NKAIN3: variants seen among roughly 807,000 people sequenced by gnomAD.
NKAIN3 encodes sodium/potassium-transporting ATPase subunit beta-1-interacting protein 3.
Under a neutral mutation model 30.2 loss-of-function variants are expected in NKAIN3, and 25 were observed. That is an observed-to-expected ratio of 0.83 (90% CI 0.60 to 1.16). The LOEUF is 1.16. Among genes scored for constraint, NKAIN3 ranks in the 50% most tolerant of loss-of-function variants. The pLI is 0.00. For missense variants in NKAIN3, 225 were observed against 254.1 expected (o/e 0.89, Z 0.78); for synonymous variants, 91 against 89.6 (o/e 1.02, Z -0.09).
rs1585638614 is a variant in NKAIN3 at position 62,976,655 on chromosome 8, T to C, written c.*11248T>C. The stretch of plus-strand genomic sequence containing the variant: ...TTATCCAATTTGCCAGTCTGTGCCT[T>C]TTAATTGGGGCATTTAGCCCATTTA... On this transcript the variant is annotated 3_prime_UTR_variant, in exon 7 of 7. Coordinates refer to ENST00000623646, the MANE Select transcript of NKAIN3 (RefSeq NM_001304533.3). Among the ~76,000 whole-genome samples, 2 of 152,246 alleles carry C rather than the reference T, an allele frequency of 1.3e-5. No homozygotes were observed. Among genetic ancestry groups the C allele is most frequent in the East Asian group, 3.8e-4 (2 of 5,202 alleles).
At chr8:62,437,802 T>C (rs1378944389) in intron 1 of NKAIN3, among the ~76,000 whole-genome samples, 1 of 152,146 alleles carries the variant, frequency 6.6e-6, no homozygotes, top group East Asian at 1.9e-4. Flanking sequence ...CACAGTTAAT[T>C]AGATTGAAAT....
intron 1 of NKAIN3, among the ~76,000 whole-genome samples, chr8:62,508,082 C>A (rs10429370): frequency 0.072 from 10,970 of 152,224 alleles, 492 homozygotes; most frequent in African/African-American, 0.13. Context: ...GGAAATAATT[C>A]TTTATATGTC....
At chr8:62,534,891 T>C (rs1165092398) in intron 1 of NKAIN3, among the ~76,000 whole-genome samples, 1 of 151,840 alleles carries the variant, frequency 6.6e-6, no homozygotes, top group Non-Finnish European at 1.5e-5. Flanking sequence ...GTTTCTGATT[T>C]TCTGAAAGCT....
At chr8:62,341,692 A>C (rs1815752207) in intron 1 of NKAIN3, among the ~76,000 whole-genome samples, 1 of 151,988 alleles carries the variant, frequency 6.6e-6, no homozygotes. Flanking sequence ...ACAGGAAAAA[A>C]ATTCTTTTGC....
chr8:62,835,466 AT>A (rs1283430222), intron 4 of NKAIN3, among the ~76,000 whole-genome samples: 1 of 152,076 alleles, frequency 6.6e-6, no homozygotes, highest in Non-Finnish European at 1.5e-5. Context: ...AACTTCTTCA[AT>A]TCAACAAGCA....
intron 3 of NKAIN3, among the ~76,000 whole-genome samples, chr8:62,675,116 C>A (rs540179000): frequency 2.2e-4 from 34 of 152,146 alleles, no homozygotes; most frequent in Admixed American, 1.6e-3. Flanking sequence ...TGACCCTCTG[C>A]GAAATGAGGT....
intron 4 of NKAIN3, among the ~76,000 whole-genome samples, chr8:62,874,496 G>A (rs1820736064): frequency 6.6e-6 from 1 of 152,234 alleles, no homozygotes; most frequent in South Asian, 2.1e-4. Flanking sequence ...TACCAAAACA[G>A]GGAAGAGACG....
Position 62,636,292 on chromosome 8 carries a change from G to A in NKAIN3, c.273+46498G>A, listed in dbSNP as rs374890455. 1.1e-4 allele frequency among the ~76,000 whole-genome samples: 16 copies of A among 152,050 alleles called. 1 individual carries two copies. The East Asian group carries it at 2.3e-3, about 22-fold the overall frequency. On this transcript the variant is annotated intron_variant, in intron 3 of 6. Coordinates refer to ENST00000623646, the MANE Select transcript of NKAIN3 (RefSeq NM_001304533.3). ...CTCATGATGAACTATTAAATGAAGG[G>A]ACATACTCATTTTTTGAGTTTCCAA...
At chr8:62,656,724 G>A (rs1003578159) in intron 3 of NKAIN3, among the ~76,000 whole-genome samples, 2 of 152,022 alleles carry the variant, frequency 1.3e-5, no homozygotes, top group African/African-American at 2.4e-5. Flanking sequence ...CACTCCCCTG[G>A]TCCCCAAACA....
intron 1 of NKAIN3, among the ~76,000 whole-genome samples, chr8:62,542,821 T>A (rs1808887617): frequency 6.6e-6 from 1 of 152,210 alleles, no homozygotes; most frequent in African/African-American, 2.4e-5. Context: ...ATTGCCCTTG[T>A]TCTGGCTTTG....
At chr8:62,714,542 C>G (rs888612043) in intron 3 of NKAIN3, among the ~76,000 whole-genome samples, 3 of 152,062 alleles carry the variant, frequency 2.0e-5, no homozygotes, top group Non-Finnish European at 4.4e-5. Context: ...TAGCCCTATA[C>G]ATTATTGTTC....
rs190988851 is a variant in NKAIN3, at chr8:62,408,292, C to T, written c.54+159165C>T. ...ACTTTCAAAATATATTTTTAAAGGC[C>T]GTGAAAATTTATACATCCATCTAGG... On this transcript the variant is annotated intron_variant, in intron 1 of 6. Coordinates refer to ENST00000623646, the MANE Select transcript of NKAIN3 (RefSeq NM_001304533.3). 2.4e-3 allele frequency among the ~76,000 whole-genome samples: 370 copies of T among 151,990 alleles called. 2 individuals carry two copies. The highest frequency in any genetic ancestry group is 8.3e-3 in the African/African-American group (345 of 41,442).
At chr8:62,947,114 C>A (rs1823146100) in intron 5 of NKAIN3, among the ~76,000 whole-genome samples, 1 of 152,146 alleles carries the variant, frequency 6.6e-6, no homozygotes, top group African/African-American at 2.4e-5. Flanking sequence ...GAAATAAAGT[C>A]ATTTAATGGA....
At chr8:62,663,824 G>A (rs573149092) in intron 3 of NKAIN3, among the ~76,000 whole-genome samples, 15 of 152,266 alleles carry the variant, frequency 9.9e-5, no homozygotes, top group African/African-American at 3.6e-4. Context: ...ACCATGTAAA[G>A]CAACAGTGCG....
In NKAIN3 at chr8:62,983,615, A is replaced by C. The variant is rs1824135586; in HGVS notation, c.*18208A>C. On this transcript the variant is annotated 3_prime_UTR_variant, in exon 7 of 7. Coordinates refer to ENST00000623646, the MANE Select transcript of NKAIN3 (RefSeq NM_001304533.3). ...TCCTTGAATTTGCCCTCTGCAACCA[A>C]CACCTGTTCGTGCTATGAGACTGAA... is the stretch of plus-strand genomic sequence containing the variant. 1 of 152,184 alleles carries C rather than the reference A, an allele frequency of 6.6e-6. No individual in the cohort carries two copies. Among genetic ancestry groups the C allele is most frequent in the South Asian group, 2.1e-4 (1 of 4,830 alleles). The allele number at this position is 152,184 out of a possible 1,614,324, so 9.4% of individuals were successfully genotyped here. A position where few individuals can be genotyped will look rare whatever the true frequency, so the allele number is the denominator to read the frequency against.
Position 62,345,490 on chromosome 8 carries a change from T to C in NKAIN3, c.54+96363T>C, listed in dbSNP as rs1276768312. 1.1e-3 allele frequency among the ~76,000 whole-genome samples: 18 copies of C among 16,898 alleles called. No individual in the cohort carries two copies. The East Asian group carries it at 0.011, about 10-fold the overall frequency. 11.1% of individuals were successfully genotyped at this position (16,898 alleles called of 152,430 possible). On this transcript the variant is annotated intron_variant, in intron 1 of 6. Transcript: ENST00000623646. ...ACATATATACACATATATGTATATA[T>C]ACACACATATATACACATATATACA...
At chr8:62,604,521 A>G (rs1386215169) in intron 3 of NKAIN3, among the ~76,000 whole-genome samples, 1 of 152,148 alleles carries the variant, frequency 6.6e-6, no homozygotes, top group Non-Finnish European at 1.5e-5. Flanking sequence ...ATATCTCACA[A>G]TCAAATAACA....
intron 4 of NKAIN3, among the ~76,000 whole-genome samples, chr8:62,805,804 G>A (rs1443443375): frequency 6.6e-6 from 1 of 152,126 alleles, no homozygotes; most frequent in Non-Finnish European, 1.5e-5. Flanking sequence ...GGACAAATGG[G>A]ATCTAATTAA....
intron 1 of NKAIN3, among the ~76,000 whole-genome samples, chr8:62,442,797 A>T (rs1388638779): frequency 5.3e-5 from 8 of 151,892 alleles, no homozygotes; most frequent in Non-Finnish European, 1.2e-4. Context: ...TTAGCTCTAA[A>T]TTGTTCCTTA....
Sources: gnomAD v4.1 joint callset for allele counts (sites outside exome capture counted in the v4.1 genomes callset) on GRCh38, gnomAD v4.1.1 for gene constraint, MANE v1.5 for transcripts, NCBI Gene and HGNC (gene_info 2026-07-23, HGNC 2026-07-21) for gene names.